Variants in CECR2 observed in about 807,000 individuals in gnomAD.
CECR2 encodes the protein chromatin remodeling regulator CECR2.
Under a neutral mutation model 154.5 loss-of-function variants are expected in CECR2, and 30 were observed. The ratio of observed to expected loss-of-function variants is 0.19; its 90% confidence interval spans 0.15 to 0.26. CECR2 has a LOEUF of 0.26. Ranked by LOEUF, CECR2 falls within the 10% of genes least tolerant of loss-of-function variation. CECR2 has a pLI of 1.00. For missense variants in CECR2, 1,743 were observed against 1,829.3 expected, an observed-to-expected ratio of 0.95 and a Z score of 0.86; for synonymous variants, 725 against 683.7, an observed-to-expected ratio of 1.06 and a Z score of -0.94.
At chr22:17,397,340 C>T (rs1272498465) in intron 1 of CECR2, among the ~76,000 whole-genome samples, 1 of 151,922 alleles carries the variant, frequency 6.6e-6, no homozygotes, top group African/African-American at 2.4e-5. Flanking sequence ...TGGTTTCAGC[C>T]AGGCTGGTCT....
intron 8 of CECR2, among the ~76,000 whole-genome samples, chr22:17,516,235 A>G (rs2056051762): frequency 6.6e-6 from 1 of 151,890 alleles, no homozygotes; most frequent in Non-Finnish European, 1.5e-5. Flanking sequence ...ATATCCATAC[A>G]CACACACATA....
chr22:17,543,026 G>T, intron 16 of CECR2, 23 bp downstream of exon 16: 1 of 1,562,576 alleles, frequency 6.4e-7, no homozygotes, highest in Non-Finnish European at 8.7e-7. Context: ...GTCACTTTGG[G>T]CTCTTTAAGC....
chr22:17,552,787 T>TTTTTTTTTTTTTTTTA (rs869194450), intron 18 of CECR2, 48 bp from the exon 19 acceptor site: 4 of 1,391,172 alleles, frequency 2.9e-6, no homozygotes, highest in Admixed American at 2.5e-5. Context: ...TTTTTTTTTT[T>TTTTTTTTTTTTTTTTA]AACAACCCAA....
intron 7 of CECR2, among the ~76,000 whole-genome samples, chr22:17,511,227 C>CT (rs1295853867): frequency 2.0e-5 from 3 of 152,196 alleles, no homozygotes; most frequent in Non-Finnish European, 2.9e-5. Context: ...AAGTAGTAAC[C>CT]TAGATACAAG....
intron 1 of CECR2, among the ~76,000 whole-genome samples, chr22:17,449,483 CT>C (rs35473694): frequency 0.031 from 2,224 of 71,320 alleles, 14 homozygotes; most frequent in Middle Eastern, 0.097. Context: ...GTAACCAGTT[CT>C]TTTTTTTTTT....
At position 17,494,090 on chromosome 22, in the gene CECR2, T is replaced by TTTTCTTTC. The variant is rs113949798; in HGVS notation, c.222-3297_222-3290dup. ...CAGTTTTTAAAAAAACACTTTTTCA[T>TTTTCTTTC]TTTCTTTCTTTCTTTCTTTCTTTTT... On this transcript the variant is annotated intron_variant, in intron 2 of 18. Transcript: ENST00000262608. Among the ~76,000 whole-genome samples the TTTTCTTTC allele has an allele frequency of 1.4e-4, 22 of 151,992 alleles. No homozygotes were observed. The South Asian group carries it at 1.7e-3, about 11-fold the overall frequency.
rs746067724 is a variant in CECR2, at chr22:17,549,614, T to TTTATGTATTTA, written c.4277+53_4277+63dup. 2.7e-5 allele frequency: 38 copies of TTTATGTATTTA among 1,394,124 alleles called. No homozygotes were observed. The African/African-American group carries it at 5.4e-4, about 20-fold the overall frequency. The allele number at this position is 1,394,124 out of a possible 1,614,324, so 86.4% of individuals were successfully genotyped here. A position where few individuals can be genotyped will look rare whatever the true frequency, so the allele number is the denominator to read the frequency against. ...CCCTAAAGAGAGAACAGATGTTTAT[T>TTTATGTATTTA]TTATGTATTTATTTTTGAGACAGAG... On this transcript the variant is annotated intron_variant, in intron 17 of 18. Coordinates refer to ENST00000262608, the MANE Select transcript of CECR2 (RefSeq NM_001290047.2).
chr22:17,550,859 G>A (rs1032962530), intron 17 of CECR2, among the ~76,000 whole-genome samples: 14 of 151,856 alleles, frequency 9.2e-5, no homozygotes, highest in Admixed American at 2.6e-4. Flanking sequence ...GGAGAATGGC[G>A]TGAACCTGGG....
chr22:17,531,715 A>G (rs536089225), intron 9 of CECR2, among the ~76,000 whole-genome samples: 2 of 152,348 alleles, frequency 1.3e-5, no homozygotes, highest in South Asian at 4.1e-4. Context: ...ACAGAAAGCA[A>G]GAAGAGATAT....
At chr22:17,544,509 A>AAG (rs2147040420) in intron 16 of CECR2, among the ~76,000 whole-genome samples, 1 of 144,902 alleles carries the variant, frequency 6.9e-6, no homozygotes, top group Non-Finnish European at 1.5e-5. Flanking sequence ...AAAAAAAAAA[A>AAG]AAAAAAAAGT....
chr22:17,377,395 A>C (rs1399505691), intron 1 of CECR2, among the ~76,000 whole-genome samples: 1 of 151,738 alleles, frequency 6.6e-6, no homozygotes, highest in East Asian at 1.9e-4. Flanking sequence ...GGAATTCTGG[A>C]GGCTGAAGGC....
intron 1 of CECR2, among the ~76,000 whole-genome samples, chr22:17,382,437 A>T (rs2063209023): frequency 6.6e-6 from 1 of 152,166 alleles, no homozygotes; most frequent in Non-Finnish European, 1.5e-5. Context: ...CACACCTCAG[A>T]GATATTTTGG....
chr22:17,480,894 G>A (rs1179889402), intron 2 of CECR2, among the ~76,000 whole-genome samples: 2 of 151,674 alleles, frequency 1.3e-5, no homozygotes, highest in Admixed American at 1.3e-4. Flanking sequence ...ACAAAAATTA[G>A]CCAGGCGTGG....
At chr22:17,376,323 G>A (rs1026953288) in intron 1 of CECR2, among the ~76,000 whole-genome samples, 4 of 152,132 alleles carry the variant, frequency 2.6e-5, no homozygotes, top group Non-Finnish European at 5.9e-5. Context: ...TCTCTGAAGG[G>A]CGGCCTGCGT....
In CECR2 at chr22:17,369,623, C is replaced by A; in HGVS notation, c.-161C>A. On this transcript the variant is annotated 5_prime_UTR_variant, in exon 1 of 19. Transcript: ENST00000262608. ...CGCCGCCCCCCGCCCGGCGCCCGCC[C>A]TCGGCTCCTGCACTCGCCGAGCGGC... 1 of 147,026 alleles carries A rather than the reference C, an allele frequency of 6.8e-6. No individual in the cohort carries two copies. Among genetic ancestry groups the A allele is most frequent in the South Asian group, 2.0e-4 (1 of 5,108 alleles). The allele number at this position is 147,026 out of a possible 1,614,324, so 9.1% of individuals were successfully genotyped here.
intron 1 of CECR2, among the ~76,000 whole-genome samples, chr22:17,408,983 G>A (rs1255298166): frequency 6.6e-6 from 1 of 152,122 alleles, no homozygotes; most frequent in Non-Finnish European, 1.5e-5. Flanking sequence ...TTTCATAAAG[G>A]CTCTGAACTC....
rs562353157 is a variant in CECR2 at position 17,505,024 on chromosome 22, A to G, written c.870+8A>G. On this transcript the variant is annotated splice_region_variant and intron_variant, in intron 7 of 18. Coordinates refer to ENST00000262608, the MANE Select transcript of CECR2 (RefSeq NM_001290047.2). ...AACATGATCGCCCAGAAGGTGCGCC[A>G]CACTCTCTGCTCTGTCCTCCTCAGT... 6.2e-7 allele frequency: 1 copy of G among 1,612,384 alleles called. No homozygotes were observed. Among genetic ancestry groups the G allele is most frequent in the East Asian group, 2.2e-5 (1 of 44,842 alleles).
chr22:17,463,904 G>GGC (rs1296285614), intron 1 of CECR2, among the ~76,000 whole-genome samples: 2 of 152,136 alleles, frequency 1.3e-5, no homozygotes, highest in East Asian at 3.9e-4. Context: ...AGAGTTGGAG[G>GGC]GCTAGGGTGA....
chr22:17,383,055 T>A (rs1428854465), intron 1 of CECR2, among the ~76,000 whole-genome samples: 1 of 152,056 alleles, frequency 6.6e-6, no homozygotes, highest in Non-Finnish European at 1.5e-5. Context: ...TGAAACCCCA[T>A]CTCTACTAAA....
Sources: gnomAD v4.1 joint callset for allele counts (sites outside exome capture counted in the v4.1 genomes callset) on GRCh38, gnomAD v4.1.1 for gene constraint, MANE v1.5 for transcripts, NCBI Gene and HGNC (gene_info 2026-07-23, HGNC 2026-07-21) for gene names.